Variants in SRD5A3 observed in about 807,000 individuals in gnomAD.
SRD5A3 encodes polyprenal reductase.
SRD5A3 carries 24 observed loss-of-function variants against 34.3 expected under a neutral mutation model. The observed-to-expected ratio is 0.70, with a 90% CI of 0.51 to 0.99. The LOEUF (loss-of-function observed/expected upper bound fraction) is 0.99, where lower values mean the gene tolerates loss of function less well. Among genes scored for constraint, SRD5A3 ranks in the 50% least tolerant of loss-of-function variants. The pLI is 0.00. For missense variants in SRD5A3, 350 were observed against 388.2 expected (o/e 0.90, Z 0.83); for synonymous variants, 161 against 167.3 (o/e 0.96, Z 0.29).
At chr4:55,367,244 A>G (rs1052428210) in intron 3 of SRD5A3, 6 of 337,586 alleles carry the variant, frequency 1.8e-5, no homozygotes, top group Non-Finnish European at 3.3e-5. Flanking sequence ...AAAGTAGATC[A>G]CAGTAGGGGA....
At chr4:55,354,655 T>C (rs1255859207) in intron 1 of SRD5A3, among the ~76,000 whole-genome samples, 1 of 152,236 alleles carries the variant, frequency 6.6e-6, no homozygotes, top group African/African-American at 2.4e-5. Flanking sequence ...CCTCACTTGC[T>C]GTAATTCTAC....
chr4:55,367,234 A>G (rs1719934111), intron 3 of SRD5A3: 1 of 319,056 alleles, frequency 3.1e-6, no homozygotes, highest in Non-Finnish European at 5.9e-6. Context: ...TTACCATTCG[A>G]AAGTAGATCA....
At chr4:55,353,506 CA>C (rs1719281335) in intron 1 of SRD5A3, among the ~76,000 whole-genome samples, 1 of 152,192 alleles carries the variant, frequency 6.6e-6, no homozygotes, top group African/African-American at 2.4e-5. Flanking sequence ...AAAAGCTGGC[CA>C]CCCGAGCCAG....
intron 3 of SRD5A3, chr4:55,364,621 C>G: frequency 3.3e-6 from 1 of 302,638 alleles, no homozygotes; most frequent in Non-Finnish European, 6.4e-6. Context: ...GAGGCTGAGG[C>G]AGGAGAATTG....
In SRD5A3 at chr4:55,370,011, T is replaced by C; in HGVS notation, c.877T>C (p.Phe293Leu). Residue 293 changes from phenylalanine (F) to leucine (L), a missense_variant, in exon 5 of 5, where the codon TTT (phenylalanine) becomes CTT (leucine). Around this residue, in one of 3 missense-constraint regions of SRD5A3, gnomAD observed 186 missense variants for 221.4 expected, o/e 0.84. Coordinates refer to ENST00000264228, the MANE Select transcript of SRD5A3 (RefSeq NM_024592.5). ...NVFFNQALSA[F>L]LSHQFYKSKF... The stretch of plus-strand genomic sequence containing the variant: ...CTTCTTTAATCAGGCCCTGTCTGCC[T>C]TTCTCAGCCACCAATTCTACAAAAG... 6.2e-7 allele frequency: 1 copy of C among 1,614,200 alleles called. No individual in the cohort carries two copies. The highest frequency in any genetic ancestry group is 8.5e-7 in the Non-Finnish European group (1 of 1,180,036).
chr4:55,350,779 T>C (rs76345225), intron 1 of SRD5A3, among the ~76,000 whole-genome samples: 2 of 151,000 alleles, frequency 1.3e-5, no homozygotes, highest in East Asian at 1.9e-4. Flanking sequence ...TTTTTTTTTT[T>C]TTTGAGACAG....
At chr4:55,366,397 C>T (rs1719899411) in intron 3 of SRD5A3, among the ~76,000 whole-genome samples, 2 of 152,160 alleles carry the variant, frequency 1.3e-5, no homozygotes, top group South Asian at 4.1e-4. Flanking sequence ...AGGCTGGTCT[C>T]AAACCCCTGG....
rs1428352509 is a variant in SRD5A3, at chr4:55,370,099, T to A, written c.*8T>A. ...CTACCATTTTTGTTTTAAGTTAACC[T>A]CAGTCATGAAGAATGCAAACCAGGT... On this transcript the variant is annotated 3_prime_UTR_variant, in exon 5 of 5. Coordinates refer to ENST00000264228, the MANE Select transcript of SRD5A3 (RefSeq NM_024592.5). 6.2e-7 allele frequency: 1 copy of A among 1,612,732 alleles called. No individual in the cohort carries two copies. Among genetic ancestry groups the A allele is most frequent in the Non-Finnish European group, 8.5e-7 (1 of 1,179,998 alleles).
intron 4 of SRD5A3, chr4:55,369,610 G>C (rs1008723421): frequency 1.7e-6 from 1 of 580,844 alleles, no homozygotes; most frequent in Non-Finnish European, 3.0e-6. Flanking sequence ...GCATACCTGT[G>C]GTACTAGCCA....
rs10648522 is a variant in SRD5A3 at position 55,356,000 on chromosome 4, A to ATTTTTTTTTTTT, written c.222-3331_222-3320dup. Among the ~76,000 whole-genome samples, 118 of 74,294 alleles carry ATTTTTTTTTTTT rather than the reference A, an allele frequency of 1.6e-3. 12 individuals carry two copies. Among genetic ancestry groups the ATTTTTTTTTTTT allele is most frequent in the East Asian group, 3.3e-3 (7 of 2,116 alleles). The allele number at this position is 74,294 out of a possible 152,430, so 48.7% of individuals were successfully genotyped here. A position where few individuals can be genotyped will look rare whatever the true frequency, so the allele number is the denominator to read the frequency against. On this transcript the variant is annotated intron_variant, in intron 1 of 4. Coordinates refer to ENST00000264228, the MANE Select transcript of SRD5A3 (RefSeq NM_024592.5). Reference sequence around the variant, plus strand: ...ATGACCAATGCTTTCTTTTGCCTCCATTTTTTTTTTTTTTTTTTTTTTTTT... The same window carrying ATTTTTTTTTTTT: ...ATGACCAATGCTTTCTTTTGCCTCCATTTTTTTTTTTTTTTTTTTTTTTTTTTTTTTTTTTTT...
chr4:55,357,215 A>C (rs111538948), intron 1 of SRD5A3, among the ~76,000 whole-genome samples: 1,898 of 151,938 alleles, frequency 0.012, 44 homozygotes, highest in African/African-American at 0.042. Context: ...CTGACTCCCC[A>C]CTCTAAGGTA....
At chr4:55,358,233 A>G (rs1437812288) in intron 1 of SRD5A3, among the ~76,000 whole-genome samples, 1 of 152,142 alleles carries the variant, frequency 6.6e-6, no homozygotes, top group Non-Finnish European at 1.5e-5. Flanking sequence ...ACAGACCTCA[A>G]AAGAACCTAT....
At chr4:55,351,897 A>T (rs1341268747) in intron 1 of SRD5A3, 1 of 655,472 alleles carries the variant, frequency 1.5e-6, no homozygotes, top group Non-Finnish European at 2.9e-6. Flanking sequence ...AACTCCAGGA[A>T]TCTTAGGGAT....
chr4:55,353,959 C>T (rs970868315), intron 1 of SRD5A3, among the ~76,000 whole-genome samples: 1 of 152,206 alleles, frequency 6.6e-6, no homozygotes, highest in Non-Finnish European at 1.5e-5. Flanking sequence ...ACAATAGCAC[C>T]TGCTGGTCTC....
intron 4 of SRD5A3, among the ~76,000 whole-genome samples, chr4:55,368,447 T>C (rs1194176956): frequency 6.6e-6 from 1 of 150,442 alleles, no homozygotes; most frequent in Admixed American, 6.6e-5. Context: ...ATTTTTGAGA[T>C]GGAGTCTTGC....
rs142486989 is a variant in SRD5A3, at chr4:55,364,096, A to C, written c.387A>C (p.Ala129=). 1.9e-6 allele frequency: 3 copies of C among 1,614,106 alleles called. No homozygotes were observed. The African/African-American group carries it at 4.0e-5, about 22-fold the overall frequency. The part of the protein sequence containing the change: ...QFQGGELALS[A]FLVLVFLWLH... ...TAGGAGGGGAGCTGGCACTGTCTGCATTCTTAGTGCTAGTATTTCTGTGGC... is the reference window on the plus strand; with the variant it reads ...TAGGAGGGGAGCTGGCACTGTCTGCCTTCTTAGTGCTAGTATTTCTGTGGC... The change falls in exon 3 of 5, where the codon GCA becomes GCC. Residue 129 remains alanine (A), a synonymous_variant. Coordinates refer to ENST00000264228, the MANE Select transcript of SRD5A3 (RefSeq NM_024592.5).
intron 3 of SRD5A3, chr4:55,366,689 G>C (rs1247642115): frequency 2.0e-5 from 3 of 152,218 alleles, no homozygotes; most frequent in Non-Finnish European, 4.4e-5. Flanking sequence ...TCTCTTACTT[G>C]AATCAGCTTT....
chr4:55,361,311 G>A (rs924340587), intron 2 of SRD5A3, among the ~76,000 whole-genome samples: 9 of 151,090 alleles, frequency 6.0e-5, no homozygotes, highest in African/African-American at 1.2e-4. Flanking sequence ...GTGAAATCCC[G>A]TTTTTACTAA....
At chr4:55,360,742 G>T (rs1449209700) in intron 2 of SRD5A3, among the ~76,000 whole-genome samples, 1 of 147,112 alleles carries the variant, frequency 6.8e-6, no homozygotes, top group Non-Finnish European at 1.5e-5. Context: ...GGGCTGGAGT[G>T]CAATGGTGCA....
Sources: gnomAD v4.1 joint callset for allele counts (sites outside exome capture counted in the v4.1 genomes callset) on GRCh38, gnomAD v4.1.1 for gene constraint, gnomAD v4.1.1 regional missense constraint, MANE v1.5 for transcripts, NCBI Gene and HGNC (gene_info 2026-07-23, HGNC 2026-07-21) for gene names.